Variants in HDAC4 observed in about 807,000 individuals in gnomAD.
HDAC4 encodes histone deacetylase 4.
In HDAC4, 16 loss-of-function variants were observed where a neutral mutation model predicts 135.1. The observed-to-expected ratio is 0.12, with a 90% CI of 0.08 to 0.18. HDAC4 has a LOEUF of 0.18. Among genes scored for constraint, HDAC4 ranks in the 10% least tolerant of loss-of-function variants. The pLI, the probability that HDAC4 is intolerant of heterozygous loss-of-function variation, is 1.00. For synonymous variants in HDAC4, 685 were observed against 653.4 expected (o/e 1.05, Z -0.74); for missense variants, 1,143 against 1,511.8 (o/e 0.76, Z 4.05).
At chr2:239,288,710 T>C (rs1039453845) in intron 2 of HDAC4, among the ~76,000 whole-genome samples, 5 of 150,980 alleles carry the variant, frequency 3.3e-5, no homozygotes, top group Admixed American at 3.3e-4. Flanking sequence ...ACAACTACAA[T>C]CTACCAAAGA....
rs555789851 is a variant in HDAC4 at position 239,150,240 on chromosome 2, C to G, written c.734-5526G>C. Among the ~76,000 whole-genome samples the G allele has an allele frequency of 3.3e-5, 5 of 152,068 alleles. No individual in the cohort carries two copies. The South Asian group carries it at 1.0e-3, about 32-fold the overall frequency. On this transcript the variant is annotated intron_variant, in intron 7 of 26. Coordinates refer to ENST00000543185, the MANE Select transcript of HDAC4 (RefSeq NM_001378414.1). The stretch of plus-strand genomic sequence containing the variant: ...ACACACAGATACACACACAGAAACA[C>G]AGATACACAGACATACAGATACACA...
chr2:239,102,629 G>C, intron 16 of HDAC4, 147 bp downstream of exon 16: 1 of 840,826 alleles, frequency 1.2e-6, no homozygotes, highest in Non-Finnish European at 1.9e-6. Context: ...TGTGAACAGA[G>C]GGTGAAAGGT....
intron 3 of HDAC4, among the ~76,000 whole-genome samples, chr2:239,212,053 T>C (rs2153098882): frequency 6.6e-6 from 1 of 152,342 alleles, no homozygotes; most frequent in African/African-American, 2.4e-5. Flanking sequence ...CTTGAAGACT[T>C]TGCTCTAATG....
At chr2:239,242,460 TTC>T (rs1559274523) in intron 2 of HDAC4, among the ~76,000 whole-genome samples, 1 of 152,262 alleles carries the variant, frequency 6.6e-6, no homozygotes, top group East Asian at 1.9e-4. Flanking sequence ...CATTATCAAT[TTC>T]TGTTTGCTTG....
intron 3 of HDAC4, among the ~76,000 whole-genome samples, chr2:239,213,108 G>A (rs1193484109): frequency 1.3e-5 from 2 of 152,040 alleles, no homozygotes; most frequent in Non-Finnish European, 1.5e-5. Flanking sequence ...CTCTGGTCCC[G>A]CCAGTACCCA....
rs901028339 is a variant in HDAC4, at chr2:239,291,243, A to T, written c.23-54579T>A. On this transcript the variant is annotated intron_variant, in intron 2 of 26. Transcript: ENST00000543185. ...GACAAAACTGAAAAGCATGGCGGGT[A>T]AGAACGTTCCAAGGCATGGCTCGCC... Among the ~76,000 whole-genome samples the T allele has an allele frequency of 5.9e-5, 9 of 152,268 alleles. No individual in the cohort carries two copies. The East Asian group carries it at 1.5e-3, about 26-fold the overall frequency.
chr2:239,136,767 T>C (rs1163627032), intron 9 of HDAC4, among the ~76,000 whole-genome samples: 3 of 152,230 alleles, frequency 2.0e-5, no homozygotes, highest in South Asian at 2.1e-4. Flanking sequence ...TGACTGGCCA[T>C]TGGGGATAGG....
intron 16 of HDAC4, 135 bp from the exon 17 acceptor site, chr2:239,095,191 G>T: frequency 1.1e-6 from 1 of 886,934 alleles, no homozygotes; most frequent in Non-Finnish European, 1.8e-6. Context: ...GCTCCCCCTT[G>T]TGACACCCTG....
At chr2:239,384,060 A>G (rs972497874) in intron 1 of HDAC4, among the ~76,000 whole-genome samples, 5 of 152,230 alleles carry the variant, frequency 3.3e-5, no homozygotes, top group African/African-American at 1.2e-4. Context: ...GCCCGGACAC[A>G]GACAGAGAAG....
chr2:239,125,589 G>A (rs550535622), intron 12 of HDAC4, among the ~76,000 whole-genome samples: 31 of 152,136 alleles, frequency 2.0e-4, no homozygotes, highest in African/African-American at 7.5e-4. Flanking sequence ...ATCTCTGGCC[G>A]CAGAGCTGTG....
At chr2:239,286,560 G>A (rs1168956367) in intron 2 of HDAC4, among the ~76,000 whole-genome samples, 2 of 152,196 alleles carry the variant, frequency 1.3e-5, no homozygotes, top group Admixed American at 6.5e-5. Context: ...AGACTATGGA[G>A]CAATATTTAA....
At chr2:239,129,071 C>T (rs1403684902) in intron 11 of HDAC4, among the ~76,000 whole-genome samples, 1 of 152,170 alleles carries the variant, frequency 6.6e-6, no homozygotes, top group African/African-American at 2.4e-5. Context: ...GAGCAGAGAC[C>T]CCTGTGCAGA....
intron 22 of HDAC4, among the ~76,000 whole-genome samples, chr2:239,076,347 A>T (rs2034761775): frequency 6.6e-6 from 1 of 152,226 alleles, no homozygotes; most frequent in African/African-American, 2.4e-5. Flanking sequence ...GGGCTGTGTC[A>T]CGGGGCACGT....
chr2:239,288,708 A>T (rs1317603526), intron 2 of HDAC4, among the ~76,000 whole-genome samples: 1 of 152,232 alleles, frequency 6.6e-6, no homozygotes, highest in South Asian at 2.1e-4. Context: ...AAACAACTAC[A>T]ATCTACCAAA....
At chr2:239,200,952 G>A (rs899128537) in intron 3 of HDAC4, among the ~76,000 whole-genome samples, 1 of 152,192 alleles carries the variant, frequency 6.6e-6, no homozygotes, top group Admixed American at 6.5e-5. Context: ...CTGCTCGCTC[G>A]AGCAGGAGGT....
intron 3 of HDAC4, among the ~76,000 whole-genome samples, chr2:239,211,137 A>G (rs773233678): frequency 3.3e-5 from 5 of 152,250 alleles, no homozygotes; most frequent in Non-Finnish European, 7.3e-5. Flanking sequence ...TCATGCATCG[A>G]AAATCACTTT....
At position 239,167,038 on chromosome 2, in the gene HDAC4, C is replaced by G. The variant is rs185204905; in HGVS notation, c.491-3115G>C. Among the ~76,000 whole-genome samples the G allele has an allele frequency of 1.8e-4, 28 of 152,062 alleles. No homozygotes were observed. Among genetic ancestry groups the G allele is most frequent in the African/African-American group, 6.5e-4 (27 of 41,468 alleles). ...ACAGTGAGGATGAGGACCCAGATGG[C>G]CAGTTGTTGGAGGGGACTGCCCTGC... On this transcript the variant is annotated intron_variant, in intron 5 of 26. Coordinates refer to ENST00000543185, the MANE Select transcript of HDAC4 (RefSeq NM_001378414.1). The surrounding 1 kb of genome is among the most constrained non-coding windows in gnomAD (Gnocchi z 4.1).
At chr2:239,169,734 C>A (rs1336345599) in intron 5 of HDAC4, among the ~76,000 whole-genome samples, 1 of 152,162 alleles carries the variant, frequency 6.6e-6, no homozygotes, top group Non-Finnish European at 1.5e-5. Context: ...AAAGACCAGG[C>A]GTGCGTGTGT....
rs143459577 is a variant in HDAC4 at position 239,294,371 on chromosome 2, G to A, written c.23-57707C>T. On this transcript the variant is annotated intron_variant, in intron 2 of 26. Transcript: ENST00000543185. ...CTGATCAGATCTGCACTTTGGAAAG[G>A]TTCTGAAAGCTGTGGATAGGCTGAT... Among the ~76,000 whole-genome samples, 82 of 152,294 alleles carry A rather than the reference G, an allele frequency of 5.4e-4. No individual in the cohort carries two copies. In the East Asian group the frequency reaches 0.015, roughly 27 times the overall value.
Sources: gnomAD v4.1 joint callset for allele counts (sites outside exome capture counted in the v4.1 genomes callset) on GRCh38, gnomAD v4.1.1 for gene constraint, Gnocchi (gnomAD v3.1) non-coding constraint, MANE v1.5 for transcripts, NCBI Gene and HGNC (gene_info 2026-07-23, HGNC 2026-07-21) for gene names.